Variants in GJA3 observed in about 807,000 individuals in gnomAD.
The protein encoded by GJA3 is gap junction alpha-3 protein.
For synonymous variants in GJA3, 297 were observed against 292.6 expected, an observed-to-expected ratio of 1.02 and a Z score of -0.15; for missense variants, 571 against 620.3, an observed-to-expected ratio of 0.92 and a Z score of 0.84.
upstream of GJA3, chr13:20,161,133 C>G (rs1958935363): frequency 6.5e-6 from 1 of 153,164 alleles, no homozygotes; most frequent in Non-Finnish European, 1.5e-5. Context: ...GCCCCGCGCG[C>G]TTCCCAGCAC....
chr13:20,149,348 G>T (rs1958862996), intron 1 of GJA3, among the ~76,000 whole-genome samples: 1 of 152,124 alleles, frequency 6.6e-6, no homozygotes, highest in South Asian at 2.1e-4. Flanking sequence ...AGCTAAGTGT[G>T]GTGGTGCATG....
intron 1 of GJA3, among the ~76,000 whole-genome samples, chr13:20,160,653 C>T (rs572136525): frequency 2.6e-5 from 4 of 152,354 alleles, no homozygotes; most frequent in East Asian, 3.9e-4. Context: ...GGAGGAAGAT[C>T]AATTATTCCA....
At chr13:20,154,347 T>C (rs963578847) in intron 1 of GJA3, among the ~76,000 whole-genome samples, 3 of 152,250 alleles carry the variant, frequency 2.0e-5, no homozygotes, top group African/African-American at 7.2e-5. Flanking sequence ...ACAGTTGTTC[T>C]GAAGAGTTTT....
At chr13:20,157,620 C>T (rs1958913656) in intron 1 of GJA3, among the ~76,000 whole-genome samples, 1 of 152,222 alleles carries the variant, frequency 6.6e-6, no homozygotes, top group African/African-American at 2.4e-5. Flanking sequence ...CCCTCCCACA[C>T]CACTTCATGG....
chr13:20,142,695 C>T lies in GJA3; in HGVS notation c.594G>A (p.Thr198=), dbSNP rs1171949493. Residue 198 remains threonine (T), a synonymous_variant, in exon 2 of 2, where the codon ACG becomes ACA. Transcript: ENST00000241125. Reference sequence around the variant, plus strand: ...TGAAGATGATGAAGATGGTCTTCTCCGTGGGCCTGGAGATGAAGCAGTCCA... The same window carrying T: ...TGAAGATGATGAAGATGGTCTTCTCTGTGGGCCTGGAGATGAAGCAGTCCA... The part of the protein sequence containing the change: ...NTVDCFISRP[T]EKTIFIIFML... The T allele has an allele frequency of 1.2e-6, 2 of 1,613,876 alleles. No homozygotes were observed. The highest frequency in any genetic ancestry group is 1.7e-6 in the Non-Finnish European group (2 of 1,180,012).
chr13:20,155,436 T>C (rs1958902088), intron 1 of GJA3, among the ~76,000 whole-genome samples: 1 of 152,084 alleles, frequency 6.6e-6, no homozygotes, highest in South Asian at 2.1e-4. Context: ...CATACGTAGG[T>C]TTACTGTTTA....
rs1248311621 is a variant in GJA3, at chr13:20,139,105, T to C, written c.*2876A>G. On this transcript the variant is annotated 3_prime_UTR_variant, in exon 2 of 2. Transcript: ENST00000241125. The stretch of plus-strand genomic sequence containing the variant: ...TTATTAAAAAATACAAGAATAACCA[T>C]TAAAAGTTTAAAAAGGAGAAAGTGA... 6.6e-6 allele frequency: 1 copy of C among 152,148 alleles called. No individual in the cohort carries two copies. The highest frequency in any genetic ancestry group is 1.5e-5 in the Non-Finnish European group (1 of 68,018). The allele number at this position is 152,148 out of a possible 1,614,324, so 9.4% of individuals were successfully genotyped here. A position where few individuals can be genotyped will look rare whatever the true frequency, so the allele number is the denominator to read the frequency against.
chr13:20,143,350 G>T, intron 1 of GJA3, 45 bp from the exon 2 acceptor site: 1 of 1,389,792 alleles, frequency 7.2e-7, no homozygotes, highest in Non-Finnish European at 9.6e-7. Context: ...CAACGGCTGA[G>T]TGCCGGGTCC....
intron 1 of GJA3, among the ~76,000 whole-genome samples, chr13:20,152,978 A>G (rs899755735): frequency 6.6e-6 from 1 of 152,216 alleles, no homozygotes; most frequent in Non-Finnish European, 1.5e-5. Flanking sequence ...CACAAATATT[A>G]TATGATGAAA....
In GJA3 at chr13:20,142,969, T is replaced by G. The variant is rs1958821214; in HGVS notation, c.320A>C (p.Lys107Thr). ...CAGCTGCTCCTCCTCCTCCCTCTCT[T>G]TCTTCTTCTCTTCCATGCGCACGAT... ...LHIVRMEEKK[K>T]EREEEEQLKR... is the part of the protein sequence containing the mutation. Residue 107 changes from lysine to threonine, a missense_variant, in exon 2 of 2, where the codon AAA becomes ACA. Coordinates refer to ENST00000241125, the MANE Select transcript of GJA3 (RefSeq NM_021954.4). 1.3e-6 allele frequency: 2 copies of G among 1,585,362 alleles called. No homozygotes were observed. The highest frequency in any genetic ancestry group is 1.7e-4 in the Middle Eastern group (1 of 6,052).
At chr13:20,149,838 C>T (rs1470518303) in intron 1 of GJA3, among the ~76,000 whole-genome samples, 1 of 152,224 alleles carries the variant, frequency 6.6e-6, no homozygotes, top group African/African-American at 2.4e-5. Flanking sequence ...ACATAGCAGA[C>T]GTTCAATAAA....
At chr13:20,148,577 A>G (rs1010742449) in intron 1 of GJA3, among the ~76,000 whole-genome samples, 8 of 152,150 alleles carry the variant, frequency 5.3e-5, no homozygotes, top group African/African-American at 1.9e-4. Flanking sequence ...CTTTGTAATC[A>G]TATTCCTAAT....
At chr13:20,152,794 C>A (rs984678864) in intron 1 of GJA3, among the ~76,000 whole-genome samples, 1 of 152,170 alleles carries the variant, frequency 6.6e-6, no homozygotes, top group Admixed American at 6.5e-5. Context: ...CTGGAACACT[C>A]ATGAGTAGGA....
chr13:20,142,393 A>G lies in GJA3; in HGVS notation c.896T>C (p.Leu299Pro). ...GAPPPAADFK[L>P]LALTEARGKG... ...TCCGCGCGCCTCGGTCAGGGCTAGC[A>G]GTTTGAAGTCCGCGGCTGGTGGCGG... Residue 299 changes from leucine to proline, a missense_variant, in exon 2 of 2, where the codon CTG (leucine) becomes CCG (proline). Physicochemically the swap from Leu to Pro is moderately conservative, Grantham distance 98 (BLOSUM62 -3). Transcript: ENST00000241125. The G allele has an allele frequency of 6.6e-7, 1 of 1,522,652 alleles. No individual in the cohort carries two copies. Among genetic ancestry groups the G allele is most frequent in the Non-Finnish European group, 8.8e-7 (1 of 1,135,478 alleles). 94.3% of individuals were successfully genotyped at this position (1,522,652 alleles called of 1,614,324 possible). A position where few individuals can be genotyped will look rare whatever the true frequency, so the allele number is the denominator to read the frequency against.
chr13:20,160,403 G>C (rs1018999336), intron 1 of GJA3, among the ~76,000 whole-genome samples: 2 of 152,238 alleles, frequency 1.3e-5, no homozygotes, highest in African/African-American at 4.8e-5. Context: ...TTAGGAGCAC[G>C]GCGATGCTGA....
chr13:20,144,264 A>G (rs563905935), intron 1 of GJA3, among the ~76,000 whole-genome samples: 1 of 152,198 alleles, frequency 6.6e-6, no homozygotes, highest in South Asian at 2.1e-4. Context: ...GGGCAGAGGA[A>G]GCACTTGGGG....
Position 20,139,222 on chromosome 13 carries a change from T to G in GJA3, c.*2759A>C, listed in dbSNP as rs1490133896. The G allele has an allele frequency of 6.6e-6, 1 of 152,126 alleles. No homozygotes were observed. The highest frequency in any genetic ancestry group is 1.5e-5 in the Non-Finnish European group (1 of 68,016). 9.4% of individuals were successfully genotyped at this position (152,126 alleles called of 1,614,324 possible). ...TTAACATTTTATAAAAACAGGGATA[T>G]AAGAAGTAATTGTATACAGCAGCTT... On this transcript the variant is annotated 3_prime_UTR_variant, in exon 2 of 2. Coordinates refer to ENST00000241125, the MANE Select transcript of GJA3 (RefSeq NM_021954.4).
intron 1 of GJA3, among the ~76,000 whole-genome samples, chr13:20,158,931 A>AAAAAAAAAAAAAAAAG (rs1555340275): frequency 6.7e-6 from 1 of 148,838 alleles, no homozygotes; most frequent in African/African-American, 2.5e-5. Context: ...AAAAAAAAAA[A>AAAAAAAAAAAAAAAAG]AAAAAGAAAA....
In GJA3 at chr13:20,139,919, T is replaced by C. The variant is rs1224107994; in HGVS notation, c.*2062A>G. 1.3e-5 allele frequency: 2 copies of C among 152,238 alleles called. No individual in the cohort carries two copies. Among genetic ancestry groups the C allele is most frequent in the African/African-American group, 4.8e-5 (2 of 41,470 alleles). The allele number at this position is 152,238 out of a possible 1,614,324, so 9.4% of individuals were successfully genotyped here. On this transcript the variant is annotated 3_prime_UTR_variant, in exon 2 of 2. Transcript: ENST00000241125. Reference sequence around the variant, plus strand: ...ACCAAGTATTGACATCCACTTGTACTTGAGCTGTACTTGTGCTCTTGGATG... The same window carrying C: ...ACCAAGTATTGACATCCACTTGTACCTGAGCTGTACTTGTGCTCTTGGATG...
Sources: gnomAD v4.1 joint callset for allele counts (sites outside exome capture counted in the v4.1 genomes callset) on GRCh38, gnomAD v4.1.1 for gene constraint, MANE v1.5 for transcripts, NCBI Gene and HGNC (gene_info 2026-07-23, HGNC 2026-07-21) for gene names.